The following ADGRL2 variants were observed in gnomAD, a reference collection of about 807,000 sequenced individuals.
ADGRL2 encodes the protein calcium-independent alpha-latrotoxin receptor 2.
Under a neutral mutation model 157.4 loss-of-function variants are expected in ADGRL2, and 44 were observed. The ratio of observed to expected loss-of-function variants is 0.28; its 90% confidence interval spans 0.22 to 0.36. ADGRL2 has a LOEUF of 0.36. Ranked by LOEUF, ADGRL2 falls within the 10% of genes least tolerant of loss-of-function variation. ADGRL2 has a pLI of 1.00. For synonymous variants in ADGRL2, 585 were observed against 624.7 expected (o/e 0.94, Z 0.95); for missense variants, 1,510 against 1,768.9 (o/e 0.85, Z 2.63).
intron 2 of ADGRL2, among the ~76,000 whole-genome samples, chr1:81,561,138 T>C (rs2080430720): frequency 6.6e-6 from 1 of 152,048 alleles, no homozygotes; most frequent in Non-Finnish European, 1.5e-5. Flanking sequence ...CTCAACATCC[T>C]TACGCTGCTC....
At chr1:81,935,573 T>G (rs1251303265) in intron 3 of ADGRL2, among the ~76,000 whole-genome samples, 2 of 151,900 alleles carry the variant, frequency 1.3e-5, no homozygotes, top group Non-Finnish European at 2.9e-5. Flanking sequence ...CTGGGATGCT[T>G]TTCAAAATTC....
At chr1:81,429,206 T>C (rs1570943305) in intron 1 of ADGRL2, among the ~76,000 whole-genome samples, 1 of 152,144 alleles carries the variant, frequency 6.6e-6, no homozygotes, top group East Asian at 1.9e-4. Flanking sequence ...GACTTCCTAG[T>C]TTTCCCACTT....
At chr1:81,767,844 G>T (rs1443074712) in intron 2 of ADGRL2, among the ~76,000 whole-genome samples, 1 of 125,064 alleles carries the variant, frequency 8.0e-6, no homozygotes, top group Non-Finnish European at 1.6e-5. Flanking sequence ...GAGGAAGTGA[G>T]ATCCTGTCTC....
intron 2 of ADGRL2, among the ~76,000 whole-genome samples, chr1:81,469,492 A>G (rs576056499): frequency 6.6e-6 from 1 of 152,234 alleles, no homozygotes; most frequent in South Asian, 2.1e-4. Context: ...CTAAATTACT[A>G]CAGATCAACT....
chr1:81,653,240 G>A (rs930894224), intron 3 of ADGRL2, among the ~76,000 whole-genome samples: 1 of 150,886 alleles, frequency 6.6e-6, no homozygotes, highest in African/African-American at 2.4e-5. Context: ...CTCAGTACAT[G>A]TAAGTTTATC....
chr1:81,925,857 T>C (rs934978969), intron 3 of ADGRL2, among the ~76,000 whole-genome samples: 3 of 152,032 alleles, frequency 2.0e-5, no homozygotes, highest in African/African-American at 7.2e-5. Flanking sequence ...CTAAATGACA[T>C]TTCATCAAAC....
chr1:81,356,932 G>T (rs1196249506), intron 1 of ADGRL2, among the ~76,000 whole-genome samples: 1 of 88,868 alleles, frequency 1.1e-5, no homozygotes, highest in Non-Finnish European at 2.0e-5. Flanking sequence ...CAGCCTGGGG[G>T]ACAAAATGAG....
chr1:81,384,691 A>G (rs980804904), intron 1 of ADGRL2, among the ~76,000 whole-genome samples: 9 of 152,148 alleles, frequency 5.9e-5, no homozygotes, highest in Non-Finnish European at 1.2e-4. Context: ...ATATGACCTG[A>G]AACATTTGAA....
At chr1:81,501,535 CA>C (rs1253845689) in intron 2 of ADGRL2, among the ~76,000 whole-genome samples, 1 of 152,222 alleles carries the variant, frequency 6.6e-6, no homozygotes, top group African/African-American at 2.4e-5. Context: ...CTCATCGAGG[CA>C]CAGAGCATGT....
chr1:81,848,550 A>C (rs1206484170), intron 2 of ADGRL2, among the ~76,000 whole-genome samples: 2 of 151,948 alleles, frequency 1.3e-5, no homozygotes, highest in Non-Finnish European at 2.9e-5. Context: ...AGTATACTTT[A>C]TATTGCTTAA....
At chr1:81,646,406 A>G (rs560599933) in intron 3 of ADGRL2, among the ~76,000 whole-genome samples, 41 of 152,302 alleles carry the variant, frequency 2.7e-4, no homozygotes, top group African/African-American at 8.4e-4. Context: ...GAATGACTTC[A>G]TGGGTGGAAA....
intron 23 of ADGRL2, chr1:81,990,034 T>C (rs1279236784): frequency 1.0e-6 from 1 of 984,816 alleles, no homozygotes; most frequent in Non-Finnish European, 1.2e-6. Flanking sequence ...AAAATGTAAA[T>C]GTCACTAATG....
intron 3 of ADGRL2, among the ~76,000 whole-genome samples, chr1:81,595,573 T>G (rs2148608486): frequency 6.6e-6 from 1 of 152,328 alleles, no homozygotes; most frequent in Middle Eastern, 3.4e-3. Flanking sequence ...CACCTAAGTA[T>G]ATTCAGTACT....
intron 2 of ADGRL2, among the ~76,000 whole-genome samples, chr1:81,573,278 G>A (rs1041456220): frequency 6.6e-6 from 1 of 152,064 alleles, no homozygotes; most frequent in African/African-American, 2.4e-5. Context: ...AGCTTGCAGA[G>A]GACAGCCAAA....
chr1:81,756,064 A>G (rs990486489), intron 1 of ADGRL2, among the ~76,000 whole-genome samples: 5 of 152,118 alleles, frequency 3.3e-5, no homozygotes, highest in African/African-American at 1.2e-4. Flanking sequence ...ACTAATCCAT[A>G]TACAACCCAG....
At chr1:81,952,645 G>T (rs368634584) in intron 9 of ADGRL2, among the ~76,000 whole-genome samples, 2 of 152,146 alleles carry the variant, frequency 1.3e-5, no homozygotes, top group East Asian at 1.9e-4. Flanking sequence ...AAGTTGGATT[G>T]CTACTTTTCA....
chr1:81,582,300 CT>C (rs2080932598), intron 3 of ADGRL2, among the ~76,000 whole-genome samples: 1 of 151,810 alleles, frequency 6.6e-6, no homozygotes, highest in South Asian at 2.1e-4. Flanking sequence ...GTAAATTATT[CT>C]TTGGTGTTTT....
intron 2 of ADGRL2, among the ~76,000 whole-genome samples, chr1:81,773,425 A>T (rs188959540): frequency 2.0e-5 from 3 of 152,262 alleles, no homozygotes; most frequent in African/African-American, 7.2e-5. Flanking sequence ...AATTGGGAAG[A>T]GTTTCTGGGT....
At chr1:81,972,027 T>C (rs1658905869) in intron 17 of ADGRL2, 109 bp downstream of exon 17, 1 of 559,906 alleles carries the variant, frequency 1.8e-6, no homozygotes, top group Non-Finnish European at 3.1e-6. Flanking sequence ...CAAAGATTTA[T>C]AAATATGCCT....
Sources: allele counts gnomAD v4.1 joint callset (sites outside exome capture counted in the v4.1 genomes callset), GRCh38; gene constraint gnomAD v4.1.1; transcripts MANE v1.5; gene names NCBI Gene and HGNC (gene_info 2026-07-23, HGNC 2026-07-21).